Variants in AKR1C3 observed in about 807,000 individuals in gnomAD.
AKR1C3 encodes 3-alpha hydroxysteroid dehydrogenase, type II.
Under a neutral mutation model 43.6 loss-of-function variants are expected in AKR1C3, and 48 were observed. The ratio of observed to expected loss-of-function variants is 1.10; its 90% CI spans 0.87 to 1.40. The LOEUF (loss-of-function observed/expected upper bound fraction) is 1.40. AKR1C3 is among the 40% of genes most tolerant of loss of function. AKR1C3 has a pLI of 0.00. For missense variants in AKR1C3, 482 were observed against 391.2 expected (o/e 1.23, Z -1.96); for synonymous variants, 162 against 139.6 (o/e 1.16, Z -1.13).
At chr10:5,049,635 A>G (rs537567038) in intron 1 of AKR1C3, among the ~76,000 whole-genome samples, 43 of 152,336 alleles carry the variant, frequency 2.8e-4, no homozygotes, top group African/African-American at 1.0e-3. Flanking sequence ...TCTACACTGG[A>G]AGAAAACTTG....
chr10:5,051,172 TG>T (rs1367044480), intron 1 of AKR1C3, among the ~76,000 whole-genome samples: 1 of 152,228 alleles, frequency 6.6e-6, no homozygotes, highest in African/African-American at 2.4e-5. Context: ...CTCGGCTAAC[TG>T]CAACCTCCGC....
At chr10:5,064,298 C>T (rs7898816) in intron 1 of AKR1C3, among the ~76,000 whole-genome samples, 86,244 of 151,836 alleles carry the variant, frequency 0.57, 25,490 homozygotes, top group East Asian at 0.79. Context: ...AATCATTCAA[C>T]GAGTGATGCT....
upstream of AKR1C3, among the ~76,000 whole-genome samples, chr10:5,091,239 T>G (rs1009981503): frequency 3.3e-5 from 5 of 152,000 alleles, no homozygotes; most frequent in Admixed American, 3.3e-4. Flanking sequence ...AAAGAGAGAA[T>G]GAGAATTGCT....
At chr10:5,080,454 T>C (rs1231563266) in intron 1 of AKR1C3, among the ~76,000 whole-genome samples, 1 of 152,116 alleles carries the variant, frequency 6.6e-6, no homozygotes, top group East Asian at 1.9e-4. Context: ...TGAAACCCCA[T>C]GTTTAATAAA....
intron 1 of AKR1C3, among the ~76,000 whole-genome samples, chr10:5,063,779 A>AAAAAAAAAAAG (rs1554780510): frequency 6.8e-6 from 1 of 146,344 alleles, no homozygotes; most frequent in Non-Finnish European, 1.5e-5. Context: ...AAAAAAAAAA[A>AAAAAAAAAAAG]AAAAAAAAAA....
At position 5,086,017 on chromosome 10, in the gene AKR1C3, A is replaced by C. The variant is rs570583142; in HGVS notation, c.85-10393A>C. Among the ~76,000 whole-genome samples the C allele has an allele frequency of 1.0e-3, 153 of 151,800 alleles. 3 individuals carry two copies. The highest frequency in any genetic ancestry group is 2.9e-3 in the African/African-American group (121 of 41,192). ...GTCTATCAATTTTGTTGATCTTTTCAAAAAACCAGCTCCTGGTTTCATTAA... is the reference window on the plus strand; with the variant it reads ...GTCTATCAATTTTGTTGATCTTTTCCAAAAACCAGCTCCTGGTTTCATTAA... On this transcript the variant is annotated intron_variant, in intron 1 of 8. Coordinates refer to the AKR1C3 transcript ENST00000439082.
In AKR1C3 at chr10:5,097,527, A is replaced by C. The variant is rs782222522; in HGVS notation, c.346A>C (p.Ile116Leu). 6.2e-7 allele frequency: 1 copy of C among 1,613,744 alleles called. No individual in the cohort carries two copies. The highest frequency in any genetic ancestry group is 1.3e-5 in the African/African-American group (1 of 75,030). ...ATTGGACTATGTTGACCTCTATCTT[A>C]TTCATTCTCCAATGTCTCTAAAGGT... is the stretch of plus-strand genomic sequence containing the variant. ...AQLDYVDLYL[I>L]HSPMSLKPGE... Residue 116 changes from isoleucine (I) to leucine (L), a missense_variant, in exon 3 of 9, where the codon ATT becomes CTT. Coordinates refer to ENST00000380554, the MANE Select transcript of AKR1C3 (RefSeq NM_003739.6).
intron 1 of AKR1C3, among the ~76,000 whole-genome samples, chr10:5,066,975 T>A (rs1442718191): frequency 6.6e-6 from 1 of 152,154 alleles, no homozygotes; most frequent in Non-Finnish European, 1.5e-5. Flanking sequence ...TCTAAAAGAG[T>A]GAAGGCCTCC....
intron 1 of AKR1C3, among the ~76,000 whole-genome samples, chr10:5,060,620 C>T (rs1554780112): frequency 6.6e-6 from 1 of 151,786 alleles, no homozygotes; most frequent in East Asian, 1.9e-4. Flanking sequence ...GCCCAGCTGG[C>T]TTCACTCAGT....
chr10:5,106,477 G>A (rs4584484), intron 8 of AKR1C3, among the ~76,000 whole-genome samples: 38,257 of 151,972 alleles, frequency 0.25, 5,501 homozygotes, highest in East Asian at 0.63. Context: ...ATGGCCGGGC[G>A]CAGTGGCTCA....
chr10:5,105,884 C>T (rs587657827), intron 8 of AKR1C3, among the ~76,000 whole-genome samples: 13 of 152,298 alleles, frequency 8.5e-5, no homozygotes, highest in African/African-American at 3.1e-4. Context: ...TGTGCCTCTG[C>T]TCTCCTGACT....
chr10:5,102,316 A>C, intron 6 of AKR1C3, 106 bp downstream of exon 6: 7 of 1,585,584 alleles, frequency 4.4e-6, no homozygotes, highest in Non-Finnish European at 6.0e-6. Flanking sequence ...GCTCATGGAG[A>C]GGAAAGAGAA....
intron 1 of AKR1C3, chr10:5,078,003 G>T (rs1016702832): frequency 2.9e-6 from 2 of 683,950 alleles, no homozygotes; most frequent in Non-Finnish European, 5.3e-6. Flanking sequence ...TTTCTAAGAT[G>T]TGACATTGTC....
intron 1 of AKR1C3, among the ~76,000 whole-genome samples, chr10:5,083,656 G>A (rs1554782649): frequency 6.6e-6 from 1 of 152,182 alleles, no homozygotes; most frequent in African/African-American, 2.4e-5. Context: ...TCGCCACACT[G>A]ACTTCCACAA....
At position 5,096,487 on chromosome 10, in the gene AKR1C3, A is replaced by G. The variant is rs1839210673; in HGVS notation, c.162A>G (p.Leu54=). ...AGFRHIDSAH[L]YNNEEQVGLA... ...TCCGCCATATAGATTCTGCTCATTT[A>G]TACAATAATGAGGAGCAGGTTGGAC... The change falls in exon 2 of 9, where the codon TTA becomes TTG. Residue 54 remains leucine (L), a synonymous_variant. Transcript: ENST00000380554. 4 of 1,613,772 alleles carry G rather than the reference A, an allele frequency of 2.5e-6. No homozygotes were observed. Among genetic ancestry groups the G allele is most frequent in the Non-Finnish European group, 3.4e-6 (4 of 1,179,800 alleles).
intron 1 of AKR1C3, among the ~76,000 whole-genome samples, chr10:5,068,400 A>T (rs1463427972): frequency 1.3e-5 from 2 of 152,124 alleles, no homozygotes; most frequent in Non-Finnish European, 2.9e-5. Flanking sequence ...TAGAAAAGAC[A>T]ATTTTGAAAC....
upstream of AKR1C3, chr10:5,093,584 T>A (rs1839141208): frequency 6.6e-6 from 1 of 152,130 alleles, no homozygotes; most frequent in African/African-American, 2.4e-5. Context: ...CAGTTTTTCC[T>A]TACAAATAAT....
At chr10:5,058,974 G>A (rs1838321345) in intron 1 of AKR1C3, among the ~76,000 whole-genome samples, 1 of 152,094 alleles carries the variant, frequency 6.6e-6, no homozygotes, top group East Asian at 1.9e-4. Context: ...ATGAAGTGAA[G>A]GACCTTACCC....
At chr10:5,086,594 G>A (rs887261619) in intron 1 of AKR1C3, among the ~76,000 whole-genome samples, 22 of 150,424 alleles carry the variant, frequency 1.5e-4, no homozygotes, top group East Asian at 3.9e-4. Context: ...TATTAGGTCC[G>A]CTTGGTGCAG....
Sources: gnomAD v4.1 joint callset for allele counts (sites outside exome capture counted in the v4.1 genomes callset) on GRCh38, gnomAD v4.1.1 for gene constraint, MANE v1.5 for transcripts, NCBI Gene and HGNC (gene_info 2026-07-23, HGNC 2026-07-21) for gene names.